The following FGF13 variants were observed in gnomAD, a reference collection of about 807,000 sequenced individuals.
The protein encoded by FGF13 is fibroblast growth factor homologous factor 2.
Under a neutral mutation model 19.5 loss-of-function variants are expected in FGF13, and 2 were observed. The ratio of observed to expected loss-of-function variants is 0.10; its 90% CI spans 0.04 to 0.32. FGF13 has a LOEUF of 0.32. FGF13 is among the 10% of genes least tolerant of loss of function. The pLI, the probability that FGF13 is intolerant of heterozygous loss-of-function variation, is 1.00. For synonymous variants in FGF13, 72 were observed against 76.9 expected, an observed-to-expected ratio of 0.94 and a Z score of 0.33; for missense variants, 113 against 192.7, an observed-to-expected ratio of 0.59 and a Z score of 2.45.
At chrX:138,809,240 A>T (rs2090900494) in intron 3 of FGF13, among the ~76,000 whole-genome samples, 1 of 112,006 alleles carries the variant, frequency 8.9e-6, no homozygotes, top group Non-Finnish European at 1.9e-5. Context: ...CAAAAAGCTT[A>T]TCCATCACGA....
Position 139,028,658 on chromosome X carries a change from AG to A in FGF13, c.-112-164009del, listed in dbSNP as rs1238592985. On this transcript the variant is annotated intron_variant, in intron 1 of 2. Coordinates refer to the FGF13 transcript ENST00000421460. ...GAGTGTGTGTGTGTGTGTGAGAGAG[AG>A]AGAGAAAGAGAGAGTGTGTGTGAAA... Among the ~76,000 whole-genome samples, 47 of 62,338 alleles carry A rather than the reference AG, an allele frequency of 7.5e-4. No individual in the cohort carries two copies. The East Asian group carries it at 0.01, about 13-fold the overall frequency. 54.1% of individuals were successfully genotyped at this position (62,338 alleles called of 115,157 possible).
chrX:138,655,773 T>A (rs1295154968), intron 3 of FGF13, among the ~76,000 whole-genome samples: 1 of 112,061 alleles, frequency 8.9e-6, no homozygotes, highest in Non-Finnish European at 1.9e-5. Flanking sequence ...TTATGTTACA[T>A]CCATCCTGAG....
At chrX:138,738,659 G>T (rs975914656) in intron 1 of FGF13, among the ~76,000 whole-genome samples, 2 of 111,662 alleles carry the variant, frequency 1.8e-5, no homozygotes, top group Non-Finnish European at 3.8e-5. Context: ...TCCTAGTTTC[G>T]CTGAGACATT....
intron 1 of FGF13, among the ~76,000 whole-genome samples, chrX:139,046,447 T>G (rs1259824175): frequency 3.6e-5 from 4 of 111,503 alleles, no homozygotes; most frequent in Non-Finnish European, 7.5e-5. Flanking sequence ...TCAAAGGCAC[T>G]GAGGATTCAC....
chrX:139,024,856 A>T (rs1210850976), intron 1 of FGF13, among the ~76,000 whole-genome samples: 1 of 111,247 alleles, frequency 9.0e-6, no homozygotes, highest in African/African-American at 3.3e-5. Flanking sequence ...ATTAATCTAA[A>T]GACCTCTGGT....
At chrX:139,188,762 T>C (rs1479986489) in intron 1 of FGF13, among the ~76,000 whole-genome samples, 1 of 112,470 alleles carries the variant, frequency 8.9e-6, no homozygotes, top group Non-Finnish European at 1.9e-5. Flanking sequence ...GAGCTATGTT[T>C]CAAATATAAA....
chrX:139,145,793 A>C (rs57139962), intron 1 of FGF13, among the ~76,000 whole-genome samples: 6,961 of 111,491 alleles, frequency 0.062, 422 homozygotes, highest in African/African-American at 0.18. Context: ...CAGGAAAATT[A>C]AGCTATTGTT....
At chrX:138,928,435 G>T (rs780572882) in intron 1 of FGF13, among the ~76,000 whole-genome samples, 1 of 110,676 alleles carries the variant, frequency 9.0e-6, no homozygotes, top group Non-Finnish European at 1.9e-5. Context: ...ATTATATCTA[G>T]AGAGGTGAGA....
chrX:138,956,446 T>C (rs2091841706), intron 1 of FGF13, among the ~76,000 whole-genome samples: 1 of 110,390 alleles, frequency 9.1e-6, no homozygotes, highest in Admixed American at 9.7e-5. Context: ...GAAGTTACTG[T>C]GGTATGAATG....
chrX:138,919,813 T>C (rs1311290683), intron 1 of FGF13, among the ~76,000 whole-genome samples: 1 of 110,169 alleles, frequency 9.1e-6, no homozygotes, highest in Non-Finnish European at 1.9e-5. Context: ...ACACATATGA[T>C]AAAATTACAT....
chrX:138,831,925 CAGTATTT>C (rs2091077136), intron 3 of FGF13, among the ~76,000 whole-genome samples: 1 of 111,494 alleles, frequency 9.0e-6, no homozygotes, highest in African/African-American at 3.3e-5. Flanking sequence ...TGAGAACATG[CAGTATTT>C]AGTATTTGGT....
chrX:138,975,593 G>T (rs1351312344), intron 1 of FGF13, among the ~76,000 whole-genome samples: 1 of 111,319 alleles, frequency 9.0e-6, no homozygotes, highest in Non-Finnish European at 1.9e-5. Flanking sequence ...AGGTTCCTTG[G>T]AGTAGATAGG....
chrX:138,879,624 C>T (rs1417866411), intron 1 of FGF13, among the ~76,000 whole-genome samples: 2 of 111,583 alleles, frequency 1.8e-5, no homozygotes, highest in Non-Finnish European at 3.8e-5. Context: ...CCGTCATCTA[C>T]ATTAGGCATT....
intron 1 of FGF13, among the ~76,000 whole-genome samples, chrX:139,171,045 A>T (rs1325382160): frequency 4.5e-5 from 5 of 111,159 alleles, no homozygotes; most frequent in Non-Finnish European, 9.4e-5. Flanking sequence ...CTCTTCCAGG[A>T]AGCCTTCCCT....
chrX:139,028,657 GAGAGAGAA>G (rs1353498629), intron 1 of FGF13, among the ~76,000 whole-genome samples: 34 of 65,305 alleles, frequency 5.2e-4, no homozygotes, highest in African/African-American at 1.7e-3. Flanking sequence ...GTGTGAGAGA[GAGAGAGAA>G]AGAGAGAGTG....
chrX:138,853,108 C>T (rs1392247313), downstream of FGF13, among the ~76,000 whole-genome samples: 1 of 111,633 alleles, frequency 9.0e-6, no homozygotes, highest in Non-Finnish European at 1.9e-5. Flanking sequence ...TTTCAGCTGA[C>T]AAGCATCAGA....
At chrX:138,684,376 T>A in intron 3 of FGF13, among the ~76,000 whole-genome samples, 1 of 111,723 alleles carries the variant, frequency 9.0e-6, no homozygotes, top group Non-Finnish European at 1.9e-5. Context: ...TACTAAAGTG[T>A]ATCATTTTGA....
intron 1 of FGF13, among the ~76,000 whole-genome samples, chrX:138,951,531 C>A (rs1415107088): frequency 1.8e-5 from 2 of 111,217 alleles, no homozygotes; most frequent in African/African-American, 6.5e-5. Context: ...TTCATAACTC[C>A]TATGATACAA....
intron 3 of FGF13, among the ~76,000 whole-genome samples, chrX:138,753,188 G>A (rs947326376): frequency 4.5e-5 from 5 of 111,890 alleles, no homozygotes; most frequent in East Asian, 5.6e-4. Flanking sequence ...CAAGTTGTAC[G>A]TCAGCATGTC....
Sources: gnomAD v4.1 joint callset for allele counts (sites outside exome capture counted in the v4.1 genomes callset) on GRCh38, gnomAD v4.1.1 for gene constraint, MANE v1.5 for transcripts, NCBI Gene and HGNC (gene_info 2026-07-23, HGNC 2026-07-21) for gene names.